KMT2E: variants seen among roughly 807,000 people sequenced by gnomAD.
KMT2E encodes the protein lysine methyltransferase 2E (inactive).
KMT2E carries 30 observed loss-of-function variants against 184.6 expected under a neutral mutation model. The ratio of observed to expected loss-of-function variants is 0.16; its 90% CI spans 0.12 to 0.22. KMT2E has a LOEUF of 0.22. Among genes scored for constraint, KMT2E ranks in the 10% least tolerant of loss-of-function variants. The probability of loss-of-function intolerance (pLI) is 1.00; values close to 1 mark genes in which losing one functional copy is unlikely to be tolerated. For synonymous variants in KMT2E, 815 were observed against 776.5 expected, an observed-to-expected ratio of 1.05 and a Z score of -0.82; for missense variants, 2,023 against 2,237.4, an observed-to-expected ratio of 0.90 and a Z score of 1.93.
intron 3 of KMT2E, 35 bp from the exon 4 acceptor site, chr7:105,062,129 A>T (rs1290295973): frequency 7.6e-7 from 1 of 1,312,326 alleles, no homozygotes; most frequent in African/African-American, 1.5e-5. Flanking sequence ...AAAAAAAAGA[A>T]TGGAATTCTC....
intron 11 of KMT2E, among the ~76,000 whole-genome samples, chr7:105,077,978 T>A (rs1562911709): frequency 1.3e-5 from 2 of 152,218 alleles, no homozygotes; most frequent in African/African-American, 4.8e-5. Flanking sequence ...GTATGCAGAA[T>A]TAATATGACC....
At chr7:105,020,889 T>C (rs889006085) in intron 1 of KMT2E, among the ~76,000 whole-genome samples, 12 of 152,234 alleles carry the variant, frequency 7.9e-5, no homozygotes, top group Admixed American at 7.9e-4. Context: ...TAGGATATTG[T>C]CAGGGAAACA....
In KMT2E at chr7:105,058,425, T is replaced by G. The variant is rs367742710; in HGVS notation, c.72-3739T>G. Among the ~76,000 whole-genome samples, 11 of 152,314 alleles carry G rather than the reference T, an allele frequency of 7.2e-5. No individual in the cohort carries two copies. In the East Asian group the frequency reaches 2.1e-3, roughly 29 times the overall value. Reference sequence around the variant, plus strand: ...ACTCTTAGCATCCATGGTTATTTGTTGCCCAGATATATAACCTCTTAAGGG... The same window carrying G: ...ACTCTTAGCATCCATGGTTATTTGTGGCCCAGATATATAACCTCTTAAGGG... On this transcript the variant is annotated intron_variant, in intron 3 of 26. Transcript: ENST00000311117.
chr7:105,048,589 T>C (rs1314848033), intron 3 of KMT2E, among the ~76,000 whole-genome samples: 4 of 152,218 alleles, frequency 2.6e-5, no homozygotes, highest in Non-Finnish European at 4.4e-5. Flanking sequence ...ACGTGTGTGT[T>C]ATTGAAAATC....
intron 2 of KMT2E, among the ~76,000 whole-genome samples, chr7:105,040,238 G>A (rs1189661825): frequency 6.6e-6 from 1 of 152,158 alleles, no homozygotes; most frequent in African/African-American, 2.4e-5. Flanking sequence ...CATCTCTTAA[G>A]TGGAGTAGCC....
chr7:105,111,453 A>G (rs984988025), intron 26 of KMT2E, among the ~76,000 whole-genome samples: 1 of 152,062 alleles, frequency 6.6e-6, no homozygotes, highest in Non-Finnish European at 1.5e-5. Context: ...ATTTATCCTT[A>G]GGTTGGGTAT....
intron 1 of KMT2E, among the ~76,000 whole-genome samples, chr7:105,015,133 G>A (rs894591930): frequency 2.3e-4 from 35 of 152,038 alleles, no homozygotes; most frequent in African/African-American, 1.9e-4. Context: ...GGTCACCCCA[G>A]TACCCAGCCT....
intron 16 of KMT2E, 62 bp downstream of exon 16, chr7:105,101,651 C>A (rs1438896353): frequency 2.3e-6 from 3 of 1,297,158 alleles, no homozygotes; most frequent in Non-Finnish European, 3.1e-6. Flanking sequence ...TCTATACTTG[C>A]ATTAATTACT....
rs759628502 is a variant in KMT2E at position 105,105,604 on chromosome 7, A to C, written c.2362A>C (p.Lys788Gln). ...CAGCCCCCATGTATACTCCACTCCT[A>C]AGCATTATATTAGATTTACTTCACC... is the stretch of plus-strand genomic sequence containing the variant. Reference protein sequence around the residue: ...TYSPHVYSTPKHYIRFTSPFL... With the variant: ...TYSPHVYSTPQHYIRFTSPFL... The change falls in exon 18 of 27, where the codon AAG becomes CAG. Residue 788 changes from lysine to glutamine, a missense_variant. Transcript: ENST00000311117. 6.2e-7 allele frequency: 1 copy of C among 1,613,546 alleles called. No individual in the cohort carries two copies. Among genetic ancestry groups the C allele is most frequent in the South Asian group, 1.1e-5 (1 of 91,056 alleles).
rs779107545 is a variant in KMT2E, at chr7:105,101,920, C to G, written c.1922C>G (p.Thr641Ser). 5.0e-6 allele frequency: 8 copies of G among 1,611,440 alleles called. No individual in the cohort carries two copies. Among genetic ancestry groups the G allele is most frequent in the Non-Finnish European group, 6.8e-6 (8 of 1,179,276 alleles). ...QAKEENASKPTPAKVNRTKQR... is the reference protein window; with the variant it reads ...QAKEENASKPSPAKVNRTKQR... ...AAAGAAGAAAATGCTAGCAAGCCAA[C>G]CCCTGCCAAAGTAAATAGAACTAAA... Residue 641 changes from threonine (T) to serine (S), a missense_variant, in exon 17 of 27, where the codon ACC becomes AGC. By Grantham distance (58) the Thr-to-Ser change is moderately conservative. Coordinates refer to ENST00000311117, the MANE Select transcript of KMT2E (RefSeq NM_182931.3).
At chr7:105,045,870 T>A (rs10244764) in intron 3 of KMT2E, among the ~76,000 whole-genome samples, 42,063 of 152,022 alleles carry the variant, frequency 0.28, 8,623 homozygotes, top group East Asian at 0.64. Context: ...GAATCGTCGA[T>A]CTCTTTTTTC....
chr7:105,099,961 T>C (rs1798585614), intron 15 of KMT2E, among the ~76,000 whole-genome samples: 1 of 151,928 alleles, frequency 6.6e-6, no homozygotes, highest in Admixed American at 6.6e-5. Flanking sequence ...CAAAAAGGGG[T>C]AAAGGTAATT....
intron 1 of KMT2E, among the ~76,000 whole-genome samples, chr7:105,027,140 G>A (rs1223558629): frequency 6.2e-5 from 9 of 145,280 alleles, no homozygotes. Context: ...GGAGGGCAGT[G>A]GCATGATTAT....
At chr7:105,079,436 G>A (rs919986363) in intron 12 of KMT2E, among the ~76,000 whole-genome samples, 10 of 149,210 alleles carry the variant, frequency 6.7e-5, no homozygotes, top group African/African-American at 2.5e-4. Flanking sequence ...ATGCCTGGCC[G>A]CTATGAAGTC....
intron 1 of KMT2E, among the ~76,000 whole-genome samples, chr7:105,033,712 G>T (rs1795519662): frequency 6.6e-6 from 1 of 152,084 alleles, no homozygotes; most frequent in Admixed American, 6.6e-5. Context: ...TGTTAGCCAG[G>T]GTGGTCTCGA....
rs79753009 is a variant in KMT2E at position 105,093,800 on chromosome 7, A to G, written c.1722+2486A>G. ...TTTGGTCCTGATTTTGCTTATTAGTATGCTATAGTAAGATGAAGAATACTT... is the reference window on the plus strand; with the variant it reads ...TTTGGTCCTGATTTTGCTTATTAGTGTGCTATAGTAAGATGAAGAATACTT... On this transcript the variant is annotated intron_variant, in intron 15 of 26. Transcript: ENST00000311117. Among the ~76,000 whole-genome samples the G allele has an allele frequency of 3.7e-3, 562 of 152,324 alleles. 15 individuals carry two copies. The East Asian group carries it at 0.063, about 17-fold the overall frequency.
Position 105,106,646 on chromosome 7 carries a change from C to G in KMT2E, c.2721C>G (p.Asp907Glu). The G allele has an allele frequency of 6.2e-7, 1 of 1,614,122 alleles. No homozygotes were observed. The highest frequency in any genetic ancestry group is 8.5e-7 in the Non-Finnish European group (1 of 1,179,990). Reference sequence around the variant, plus strand: ...CTCACACCGATATTACTCCTATGGACCCATCTTTTGCCACGCCTCCACGGA... The same window carrying G: ...CTCACACCGATATTACTCCTATGGAGCCATCTTTTGCCACGCCTCCACGGA... Reference protein sequence around the residue: ...TPTHTDITPMDPSFATPPRIK... With the variant: ...TPTHTDITPMEPSFATPPRIK... Residue 907 changes from aspartate to glutamate, a missense_variant, in exon 20 of 27, where the codon GAC becomes GAG. Physicochemically the swap from Asp to Glu is conservative, Grantham distance 45. This residue lies in a region of KMT2E where 514 missense variants were observed against 621.8 expected (regional missense o/e 0.83). Coordinates refer to ENST00000311117, the MANE Select transcript of KMT2E (RefSeq NM_182931.3).
chr7:105,113,672 C>T lies in KMT2E; in HGVS notation c.*339C>T, dbSNP rs1584823379. On this transcript the variant is annotated 3_prime_UTR_variant, in exon 27 of 27. Coordinates refer to ENST00000311117, the MANE Select transcript of KMT2E (RefSeq NM_182931.3). Reference sequence around the variant, plus strand: ...TTATACATACACATTAAGTACTCAGCTAAGTAATGGCACTATGAGGATTTT... The same window carrying T: ...TTATACATACACATTAAGTACTCAGTTAAGTAATGGCACTATGAGGATTTT... 1 of 191,440 alleles carries T rather than the reference C, an allele frequency of 5.2e-6. No homozygotes were observed. The highest frequency in any genetic ancestry group is 4.9e-4 in the Middle Eastern group (1 of 2,058). 11.9% of individuals were successfully genotyped at this position (191,440 alleles called of 1,614,324 possible). A position where few individuals can be genotyped will look rare whatever the true frequency, so the allele number is the denominator to read the frequency against.
intron 15 of KMT2E, among the ~76,000 whole-genome samples, chr7:105,098,012 A>G (rs1798487361): frequency 6.6e-6 from 1 of 152,206 alleles, no homozygotes; most frequent in Non-Finnish European, 1.5e-5. Context: ...CCATCATCAC[A>G]TGATAGAGGA....
Sources: gnomAD v4.1 joint callset for allele counts (sites outside exome capture counted in the v4.1 genomes callset) on GRCh38, gnomAD v4.1.1 for gene constraint, gnomAD v4.1.1 regional missense constraint, MANE v1.5 for transcripts, NCBI Gene and HGNC (gene_info 2026-07-23, HGNC 2026-07-21) for gene names.